The following ANO4 variants were observed in gnomAD, a reference collection of about 807,000 sequenced individuals.
The protein encoded by ANO4 is anoctamin 4, also known as anoctamin-4.
In ANO4, 69 loss-of-function variants were observed where a neutral mutation model predicts 141.9. The observed-to-expected ratio is 0.49, with a 90% CI of 0.40 to 0.59. The LOEUF is 0.59. ANO4 is among the 20% of genes least tolerant of loss of function. The pLI is 0.00. For synonymous variants in ANO4, 350 were observed against 394.3 expected (o/e 0.89, Z 1.33); for missense variants, 894 against 1,162.2 (o/e 0.77, Z 3.36).
At chr12:100,881,476 T>C (rs1259797310) in intron 1 of ANO4, among the ~76,000 whole-genome samples, 2 of 151,966 alleles carry the variant, frequency 1.3e-5, no homozygotes, top group Non-Finnish European at 2.9e-5. Flanking sequence ...TCTCAAATTC[T>C]CCACTATTGG....
chr12:100,941,615 T>C (rs1470614190), intron 4 of ANO4, among the ~76,000 whole-genome samples: 2 of 152,216 alleles, frequency 1.3e-5, no homozygotes, highest in African/African-American at 4.8e-5. Context: ...ACTCCAACTT[T>C]AAACATTTTT....
At chr12:101,082,959 G>C (rs2049345167) in intron 15 of ANO4, among the ~76,000 whole-genome samples, 4 of 152,092 alleles carry the variant, frequency 2.6e-5, no homozygotes, top group Admixed American at 1.3e-4. Context: ...TCTCATAATT[G>C]GTTTTTAGTC....
intron 17 of ANO4, among the ~76,000 whole-genome samples, chr12:101,088,822 C>T (rs368715417): frequency 1.4e-4 from 22 of 152,028 alleles, no homozygotes; most frequent in African/African-American, 5.1e-4. Flanking sequence ...TAGGAGTTCA[C>T]GACTGCAGTG....
chr12:100,905,566 G>A (rs561775891), intron 2 of ANO4, among the ~76,000 whole-genome samples: 7 of 152,310 alleles, frequency 4.6e-5, no homozygotes, highest in African/African-American at 1.2e-4. Flanking sequence ...GATAAGAGCC[G>A]TTTTAGTGGA....
chr12:100,901,875 C>T, intron 2 of ANO4, 35 bp downstream of exon 2: 1 of 1,524,100 alleles, frequency 6.6e-7, no homozygotes, highest in Non-Finnish European at 8.9e-7. Context: ...GGACCCATTT[C>T]AGTAGCAACC....
intron 8 of ANO4, among the ~76,000 whole-genome samples, chr12:100,998,584 A>G (rs1379733794): frequency 6.6e-6 from 1 of 152,236 alleles, no homozygotes; most frequent in Non-Finnish European, 1.5e-5. Context: ...TTGAGAAACA[A>G]TAGAAGCTAA....
At chr12:101,071,897 A>T (rs2048826542) in intron 14 of ANO4, among the ~76,000 whole-genome samples, 1 of 152,154 alleles carries the variant, frequency 6.6e-6, no homozygotes, top group Admixed American at 6.6e-5. Context: ...CTTCCTTGGA[A>T]CCTAAGCTAT....
At position 100,901,742 on chromosome 12, in the gene ANO4, T is replaced by A. The variant is rs1171681344; in HGVS notation, c.-44T>A. On this transcript the variant is annotated 5_prime_UTR_variant, in exon 2 of 28. Coordinates refer to ENST00000392977, the MANE Select transcript of ANO4 (RefSeq NM_001286615.2). ...CCAGCGTCACGTCGTCGCCTGCCTG[T>A]GGTCAGGCATTCCTCACTCCCACCA... 3.2e-6 allele frequency: 5 copies of A among 1,564,246 alleles called. No homozygotes were observed. The Admixed American group carries it at 8.3e-5, about 26-fold the overall frequency.
chr12:100,787,894 T>C (rs537683358), intron 3 of ANO4, among the ~76,000 whole-genome samples: 3 of 152,290 alleles, frequency 2.0e-5, no homozygotes, highest in Non-Finnish European at 4.4e-5. Context: ...GGATTTGGTA[T>C]TGGGTCTAGG....
chr12:101,053,055 A>G (rs929024913), intron 14 of ANO4, among the ~76,000 whole-genome samples: 3 of 152,190 alleles, frequency 2.0e-5, no homozygotes, highest in Middle Eastern at 3.2e-3. Flanking sequence ...ATTAACTCAT[A>G]CACAAAAATG....
chr12:101,001,629 G>A (rs906923541), intron 8 of ANO4, among the ~76,000 whole-genome samples: 4 of 151,990 alleles, frequency 2.6e-5, no homozygotes, highest in African/African-American at 7.3e-5. Context: ...ACTAGACACC[G>A]GGCTACCTGG....
intron 1 of ANO4, among the ~76,000 whole-genome samples, chr12:100,881,112 C>G (rs1486782916): frequency 8.2e-5 from 11 of 134,546 alleles, no homozygotes; most frequent in Non-Finnish European, 1.3e-4. Flanking sequence ...GGAAGGGGAA[C>G]ATCACACACC....
chr12:101,118,433 T>G (rs1052446871), intron 25 of ANO4, among the ~76,000 whole-genome samples: 4 of 152,014 alleles, frequency 2.6e-5, no homozygotes, highest in Admixed American at 2.0e-4. Context: ...TTCTTAAAAG[T>G]CCCCCAAAGA....
intron 1 of ANO4, among the ~76,000 whole-genome samples, chr12:100,802,524 A>C (rs1342466549): frequency 6.6e-6 from 1 of 152,220 alleles, no homozygotes; most frequent in Non-Finnish European, 1.5e-5. Context: ...AATTTGGAGG[A>C]AGATCTCTAG....
intron 2 of ANO4, among the ~76,000 whole-genome samples, chr12:100,736,265 G>C (rs2031609447): frequency 6.6e-6 from 1 of 152,174 alleles, no homozygotes; most frequent in Admixed American, 6.5e-5. Flanking sequence ...GGATGATTCA[G>C]TAGCTAACAA....
chr12:100,899,757 G>C (rs1320329655), intron 1 of ANO4, among the ~76,000 whole-genome samples: 1 of 151,904 alleles, frequency 6.6e-6, no homozygotes, highest in African/African-American at 2.4e-5. Context: ...TATTTTCCCT[G>C]TTTCTGGGTT....
At chr12:100,990,989 G>C (rs1180416570) in intron 8 of ANO4, among the ~76,000 whole-genome samples, 1 of 152,090 alleles carries the variant, frequency 6.6e-6, no homozygotes, top group African/African-American at 2.4e-5. Flanking sequence ...TGGAAGATGA[G>C]ATATCAAGAC....
At chr12:100,991,365 C>T (rs1221082578) in intron 8 of ANO4, among the ~76,000 whole-genome samples, 2 of 151,936 alleles carry the variant, frequency 1.3e-5, no homozygotes, top group African/African-American at 4.8e-5. Context: ...GCATGATATT[C>T]CTGGCTTTCC....
chr12:100,768,473 G>A (rs1008384610), intron 3 of ANO4, among the ~76,000 whole-genome samples: 10 of 152,200 alleles, frequency 6.6e-5, no homozygotes, highest in Non-Finnish European at 1.3e-4. Context: ...GACCAGCACT[G>A]GAGTGTCCTA....
Sources: allele counts gnomAD v4.1 joint callset (sites outside exome capture counted in the v4.1 genomes callset), GRCh38; gene constraint gnomAD v4.1.1; transcripts MANE v1.5; gene names NCBI Gene and HGNC (gene_info 2026-07-23, HGNC 2026-07-21).